Variants in BICRA observed in about 807,000 individuals in gnomAD.
BICRA encodes BRD4 interacting chromatin remodeling complex associated protein.
In BICRA, 31 loss-of-function variants were observed where a neutral mutation model predicts 96.9. That is an observed-to-expected ratio of 0.32 (90% CI 0.24 to 0.43). BICRA has a LOEUF of 0.43. BICRA is among the 20% of genes least tolerant of loss of function. BICRA has a pLI of 1.00. For synonymous variants in BICRA, 1,350 were observed against 1,071.8 expected, an observed-to-expected ratio of 1.26 and a Z score of -5.07; for missense variants, 2,283 against 2,190.3, an observed-to-expected ratio of 1.04 and a Z score of -0.84.
At chr19:47,630,243 C>A (rs546422871) in intron 1 of BICRA, among the ~76,000 whole-genome samples, 2 of 149,962 alleles carry the variant, frequency 1.3e-5, no homozygotes, top group Non-Finnish European at 2.9e-5. Flanking sequence ...TCACTGCAAG[C>A]TCCGCCTCCT....
chr19:47,693,983 C>T (rs1258245575), intron 7 of BICRA, 132 bp from the exon 8 acceptor site: 2 of 1,111,258 alleles, frequency 1.8e-6, no homozygotes, highest in East Asian at 2.8e-5. Context: ...GTGGGCTCCT[C>T]TCTCAGGATG....
chr19:47,646,783 T>TTA (rs1393705858), intron 1 of BICRA, among the ~76,000 whole-genome samples: 2 of 152,214 alleles, frequency 1.3e-5, no homozygotes, highest in African/African-American at 4.8e-5. Flanking sequence ...TCCTTTTTTT[T>TTA]AACAGCTTTA....
intron 1 of BICRA, among the ~76,000 whole-genome samples, chr19:47,653,841 T>A (rs1233308989): frequency 6.6e-6 from 1 of 152,234 alleles, no homozygotes; most frequent in East Asian, 1.9e-4. Flanking sequence ...TGTTTTGTTT[T>A]GTTTTTTTGA....
rs1234285010 is a variant in BICRA, at chr19:47,680,493, G to A, written c.1323G>A (p.Gly441=). The change falls in exon 6 of 15, where the codon GGG becomes GGA. Residue 441 remains glycine, a synonymous_variant. Transcript: ENST00000594866. ...TTGAAPPQPP[G]ALSKPMSVHL... is the part of the protein sequence containing the mutation. Reference sequence around the variant, plus strand: ...GAGCGGCCCCGCCGCAGCCCCCCGGGGCCCTGAGCAAACCCATGAGCGTCC... The same window carrying A: ...GAGCGGCCCCGCCGCAGCCCCCCGGAGCCCTGAGCAAACCCATGAGCGTCC... 6.5e-7 allele frequency: 1 copy of A among 1,542,500 alleles called. No homozygotes were observed. The highest frequency in any genetic ancestry group is 1.4e-5 in the African/African-American group (1 of 72,924).
intron 7 of BICRA, among the ~76,000 whole-genome samples, chr19:47,692,706 T>G (rs548199169): frequency 7.2e-4 from 109 of 152,254 alleles, no homozygotes; most frequent in African/African-American, 2.4e-3. Flanking sequence ...ACTGATTGAT[T>G]GATTGGTTTG....
At chr19:47,632,628 C>T (rs1972237496) in intron 1 of BICRA, among the ~76,000 whole-genome samples, 1 of 152,124 alleles carries the variant, frequency 6.6e-6, no homozygotes, top group East Asian at 1.9e-4. Context: ...TGTTGGGGTG[C>T]AGTTGAGGGG....
At position 47,641,702 on chromosome 19, in the gene BICRA, A is replaced by C. The variant is rs58312961; in HGVS notation, c.-107-28741A>C. ...GCAGGGTCTTTTGTGGTTTCATAGG[A>C]ATTTTAGGATTTTTTTCTATTCCTG... On this transcript the variant is annotated intron_variant, in intron 1 of 14. Coordinates refer to ENST00000594866, the MANE Select transcript of BICRA (RefSeq NM_001394372.1). 6.9e-3 allele frequency among the ~76,000 whole-genome samples: 1,057 copies of C among 152,244 alleles called. 19 individuals are homozygous for C. The highest frequency in any genetic ancestry group is 0.024 in the African/African-American group (987 of 41,538).
intron 1 of BICRA, among the ~76,000 whole-genome samples, chr19:47,669,909 G>A (rs909169450): frequency 6.6e-6 from 1 of 150,926 alleles, no homozygotes; most frequent in African/African-American, 2.4e-5. Flanking sequence ...ACCTGTCTCG[G>A]CCTCCCAAAG....
At chr19:47,685,519 G>C (rs1172476430) in intron 7 of BICRA, among the ~76,000 whole-genome samples, 4 of 152,186 alleles carry the variant, frequency 2.6e-5, no homozygotes, top group Non-Finnish European at 4.4e-5. Context: ...GCATGGGTGG[G>C]TGTGTGACTG....
chr19:47,699,280 C>T lies in BICRA; in HGVS notation c.3493-23C>T, dbSNP rs59672518. The T allele has an allele frequency of 1.7e-4, 236 of 1,384,516 alleles. No homozygotes were observed. The African/African-American group carries it at 3.0e-3, about 17-fold the overall frequency. The allele number at this position is 1,384,516 out of a possible 1,614,324, so 85.8% of individuals were successfully genotyped here. ...CCCCCTTCTTGCTGGTTCACTCGCA[C>T]GTCGTCTTTTCCCCCACCCCAGAGG... On this transcript the variant is annotated intron_variant, in intron 13 of 14. Transcript: ENST00000594866. The surrounding 1 kb of genome is among the most constrained non-coding windows in gnomAD (Gnocchi z 5.0).
intron 1 of BICRA, among the ~76,000 whole-genome samples, chr19:47,619,757 C>T (rs1972038103): frequency 6.6e-6 from 1 of 152,160 alleles, no homozygotes; most frequent in South Asian, 2.1e-4. Flanking sequence ...AAGACCTTAG[C>T]CAGTTGTGGT....
rs751004213 is a variant in BICRA, at chr19:47,694,640, C to A, written c.2809C>A (p.Pro937Thr). ...HLVPEPAAPPPPPPRTFQMVT... is the reference protein window; with the variant it reads ...HLVPEPAAPPTPPPRTFQMVT... ...GGTCCCTGAGCCGGCAGCACCCCCCCCACCGCCTCCTCGGACCTTCCAGAT... is the reference window on the plus strand; with the variant it reads ...GGTCCCTGAGCCGGCAGCACCCCCCACACCGCCTCCTCGGACCTTCCAGAT... The change falls in exon 8 of 15, where the codon CCA (proline) becomes ACA (threonine). Residue 937 changes from proline to threonine, a missense_variant. By Grantham distance (38) the Pro-to-Thr change is conservative. Transcript: ENST00000594866. 30 of 1,578,822 alleles carry A rather than the reference C, an allele frequency of 1.9e-5. No individual in the cohort carries two copies. The highest frequency in any genetic ancestry group is 2.5e-5 in the Non-Finnish European group (29 of 1,149,726).
chr19:47,677,266 T>C (rs967359957), intron 5 of BICRA, among the ~76,000 whole-genome samples: 3 of 152,216 alleles, frequency 2.0e-5, no homozygotes, highest in East Asian at 1.9e-4. Flanking sequence ...CAGATTTTGA[T>C]GGGTTATCTG....
chr19:47,678,250 G>T (rs1323562444), intron 5 of BICRA, among the ~76,000 whole-genome samples: 1 of 151,992 alleles, frequency 6.6e-6, no homozygotes, highest in Non-Finnish European at 1.5e-5. Flanking sequence ...CGAGTAGCTG[G>T]GACTGCAGGC....
intron 10 of BICRA, among the ~76,000 whole-genome samples, chr19:47,695,755 G>A (rs978934003): frequency 1.3e-5 from 2 of 152,110 alleles, no homozygotes; most frequent in South Asian, 2.1e-4. Context: ...GAAAGAGCAG[G>A]TGATATGGAC....
intron 1 of BICRA, among the ~76,000 whole-genome samples, chr19:47,666,598 GTC>G (rs1483575009): frequency 6.7e-6 from 1 of 149,030 alleles, no homozygotes; most frequent in Non-Finnish European, 1.5e-5. Context: ...TTGAAATGGA[GTC>G]TCACTCTGTC....
At chr19:47,696,298 G>C (rs1973341149) in intron 10 of BICRA, among the ~76,000 whole-genome samples, 153 bp from the exon 11 acceptor site, 1 of 152,184 alleles carries the variant, frequency 6.6e-6, no homozygotes, top group Non-Finnish European at 1.5e-5. Flanking sequence ...GGTTCATTGT[G>C]ATGGGCAGGG....
chr19:47,649,556 C>A (rs889490167), intron 1 of BICRA, among the ~76,000 whole-genome samples: 17 of 152,276 alleles, frequency 1.1e-4, no homozygotes, highest in Admixed American at 1.0e-3. Flanking sequence ...ACCTGTCCAA[C>A]AGAATCTATT....
At chr19:47,612,692 T>C (rs1311023974) in intron 1 of BICRA, among the ~76,000 whole-genome samples, 2 of 149,474 alleles carry the variant, frequency 1.3e-5, no homozygotes, top group East Asian at 4.1e-4. Context: ...TAGGAGGTAA[T>C]ACAGGTGATC....
Sources: allele counts gnomAD v4.1 joint callset (sites outside exome capture counted in the v4.1 genomes callset), GRCh38; gene constraint gnomAD v4.1.1; non-coding constraint Gnocchi (gnomAD v3.1); transcripts MANE v1.5; gene names NCBI Gene and HGNC (gene_info 2026-07-23, HGNC 2026-07-21).